The following CAMTA1 variants were observed in gnomAD, a reference collection of about 807,000 sequenced individuals.
CAMTA1 encodes the protein calmodulin-binding transcription activator 1.
Under a neutral mutation model 170.9 loss-of-function variants are expected in CAMTA1, and 27 were observed. That is an observed-to-expected ratio of 0.16 (90% CI 0.12 to 0.22). The LOEUF (loss-of-function observed/expected upper bound fraction) is 0.22, where lower values mean the gene tolerates loss of function less well. Ranked by LOEUF, CAMTA1 falls within the 10% of genes least tolerant of loss-of-function variation. The pLI is 1.00. For synonymous variants in CAMTA1, 833 were observed against 891.5 expected (o/e 0.93, Z 1.17); for missense variants, 1,619 against 2,217.2 (o/e 0.73, Z 5.42).
intron 5 of CAMTA1, among the ~76,000 whole-genome samples, chr1:7,346,749 C>T (rs564260921): frequency 6.6e-6 from 1 of 152,254 alleles, no homozygotes; most frequent in South Asian, 2.1e-4. Context: ...TGCTCTCGGC[C>T]CTGAAGGAGG....
intron 5 of CAMTA1, among the ~76,000 whole-genome samples, chr1:7,449,975 G>A (rs1453313178): frequency 2.6e-5 from 4 of 151,968 alleles, no homozygotes; most frequent in Non-Finnish European, 5.9e-5. Flanking sequence ...GGGAGGAGAG[G>A]GGCAGGGTTT....
chr1:6,964,114 T>C (rs1691085145), intron 3 of CAMTA1, among the ~76,000 whole-genome samples: 1 of 151,918 alleles, frequency 6.6e-6, no homozygotes, highest in African/African-American at 2.4e-5. Context: ...GGGGGCACAG[T>C]ACCTTGGGTG....
chr1:7,558,968 G>C (rs190383945), intron 6 of CAMTA1, among the ~76,000 whole-genome samples: 1 of 152,154 alleles, frequency 6.6e-6, no homozygotes, highest in Non-Finnish European at 1.5e-5. Context: ...GCTGGGTCTC[G>C]GACCCCCGTC....
At chr1:7,559,099 C>T (rs534482394) in intron 6 of CAMTA1, among the ~76,000 whole-genome samples, 1 of 152,180 alleles carries the variant, frequency 6.6e-6, no homozygotes, top group Non-Finnish European at 1.5e-5. Context: ...ACATGGCAGC[C>T]GCTCAGGAAG....
chr1:7,177,102 A>G (rs568335124), intron 4 of CAMTA1, among the ~76,000 whole-genome samples: 4 of 147,936 alleles, frequency 2.7e-5, no homozygotes, highest in Non-Finnish European at 6.0e-5. Flanking sequence ...CCTCCCACAC[A>G]CTGAGGCCCC....
intron 3 of CAMTA1, among the ~76,000 whole-genome samples, chr1:6,983,663 T>G (rs1694813263): frequency 6.6e-6 from 1 of 152,012 alleles, no homozygotes; most frequent in South Asian, 2.1e-4. Flanking sequence ...AGGCACTCAA[T>G]AATTGGATCT....
chr1:7,445,103 G>A (rs1249262993), intron 5 of CAMTA1, among the ~76,000 whole-genome samples: 1 of 151,804 alleles, frequency 6.6e-6, no homozygotes, highest in Admixed American at 6.6e-5. Flanking sequence ...AGGTGGGAGG[G>A]GTGCCTCAAG....
chr1:7,758,419 G>A (rs2096947750), intron 22 of CAMTA1, among the ~76,000 whole-genome samples: 1 of 152,174 alleles, frequency 6.6e-6, no homozygotes, highest in South Asian at 2.1e-4. Flanking sequence ...TAGGGGCTGA[G>A]AAGGTTCCTT....
Position 6,940,143 on chromosome 1 carries a change from C to A in CAMTA1, c.234+114933C>A, listed in dbSNP as rs557725630. On this transcript the variant is annotated intron_variant, in intron 3 of 22. Transcript: ENST00000303635. ...TATTAGTCAGGGTTCTCTAGAGAAA[C>A]AGGACCCCTACTATATATATGAATG... Among the ~76,000 whole-genome samples, 225 of 152,364 alleles carry A rather than the reference C, an allele frequency of 1.5e-3. 1 individual carries two copies. Among genetic ancestry groups the A allele is most frequent in the Admixed American group, 2.0e-3 (30 of 15,310 alleles).
At chr1:7,629,743 G>C (rs1211732328) in intron 6 of CAMTA1, among the ~76,000 whole-genome samples, 1 of 152,126 alleles carries the variant, frequency 6.6e-6, no homozygotes, top group Admixed American at 6.6e-5. Context: ...CAGCTCTGCA[G>C]CAAGGACGCC....
chr1:7,402,763 A>G (rs929945155), intron 5 of CAMTA1, among the ~76,000 whole-genome samples: 2 of 152,294 alleles, frequency 1.3e-5, no homozygotes, highest in African/African-American at 4.8e-5. Flanking sequence ...TGGGGGCTGC[A>G]CAGGACCTAA....
rs1482552711 is a variant in CAMTA1, at chr1:7,173,184, T to A, written c.303-76307T>A. Among the ~76,000 whole-genome samples the A allele has an allele frequency of 6.6e-6, 1 of 152,136 alleles. No individual in the cohort carries two copies. The highest frequency in any genetic ancestry group is 1.5e-5 in the Non-Finnish European group (1 of 68,016). ...CTCTGTCCTCTTGAGGGTCACTATG[T>A]CTATGTTTGCATCCCAGCTTTACAG... On this transcript the variant is annotated intron_variant, in intron 4 of 22. Transcript: ENST00000303635. This position sits in a 1 kb window ranked among gnomAD's most constrained non-coding sequence, Gnocchi z 5.4.
At chr1:7,035,677 C>A (rs776394833) in intron 3 of CAMTA1, among the ~76,000 whole-genome samples, 1 of 152,156 alleles carries the variant, frequency 6.6e-6, no homozygotes, top group Non-Finnish European at 1.5e-5. Flanking sequence ...CTCTGTCTCC[C>A]AAAAGGATCT....
At chr1:7,019,574 GA>G (rs1701062418) in intron 3 of CAMTA1, among the ~76,000 whole-genome samples, 1 of 152,214 alleles carries the variant, frequency 6.6e-6, no homozygotes, top group Non-Finnish European at 1.5e-5. Context: ...TTCCCAGGGG[GA>G]AAGTGGTTCA....
At chr1:7,717,035 C>T (rs1022699923) in intron 11 of CAMTA1, among the ~76,000 whole-genome samples, 6 of 152,116 alleles carry the variant, frequency 3.9e-5, no homozygotes, top group Non-Finnish European at 8.8e-5. Flanking sequence ...AAGACAAATG[C>T]CACATGATCT....
chr1:6,902,084 T>TAAAAAAAA (rs143405526), intron 3 of CAMTA1, among the ~76,000 whole-genome samples: 8 of 105,012 alleles, frequency 7.6e-5, no homozygotes, highest in South Asian at 3.0e-4. Flanking sequence ...AAAAAAAAAA[T>TAAAAAAAA]AAAAATAAAA....
intron 1 of CAMTA1, among the ~76,000 whole-genome samples, chr1:6,811,492 TA>T (rs1330124325): frequency 6.6e-6 from 1 of 152,170 alleles, no homozygotes; most frequent in East Asian, 1.9e-4. Context: ...TTTTATTGTT[TA>T]AAAAAACAAT....
chr1:7,249,443 TTTC>T lies in CAMTA1; in HGVS notation c.303-43_303-41del. Reference sequence around the variant, plus strand: ...TCGATGATATCTTTCTTCATAAATTTTTCTTCTACTTGGTACTCTTGGTAACTT... The same window carrying T: ...TCGATGATATCTTTCTTCATAAATTTTTCTACTTGGTACTCTTGGTAACTT... On this transcript the variant is annotated intron_variant, in intron 4 of 22. Coordinates refer to ENST00000303635, the MANE Select transcript of CAMTA1 (RefSeq NM_015215.4). This position sits in a 1 kb window ranked among gnomAD's most constrained non-coding sequence, Gnocchi z 4.4. 1 of 1,536,806 alleles carries T rather than the reference TTTC, an allele frequency of 6.5e-7. No individual in the cohort carries two copies. The highest frequency in any genetic ancestry group is 8.8e-7 in the Non-Finnish European group (1 of 1,133,322).
At chr1:7,533,147 C>A (rs964291547) in intron 6 of CAMTA1, among the ~76,000 whole-genome samples, 9 of 152,186 alleles carry the variant, frequency 5.9e-5, no homozygotes, top group African/African-American at 2.2e-4. Flanking sequence ...CCAGGAGTCT[C>A]CCTCCAGCGT....
Sources: gnomAD v4.1 joint callset for allele counts (sites outside exome capture counted in the v4.1 genomes callset) on GRCh38, gnomAD v4.1.1 for gene constraint, Gnocchi (gnomAD v3.1) non-coding constraint, MANE v1.5 for transcripts, NCBI Gene and HGNC (gene_info 2026-07-23, HGNC 2026-07-21) for gene names.